The following COL5A3 variants were observed in gnomAD, a reference collection of about 807,000 sequenced individuals.
COL5A3 encodes collagen alpha-3(V) chain.
Under a neutral mutation model 250.0 loss-of-function variants are expected in COL5A3, and 172 were observed. That is an observed-to-expected ratio of 0.69 (90% CI 0.61 to 0.78). The LOEUF is 0.78. COL5A3 is among the 30% of genes least tolerant of loss of function. The pLI, the probability that COL5A3 is intolerant of heterozygous loss-of-function variation, is 0.00. For synonymous variants in COL5A3, 937 were observed against 900.4 expected (o/e 1.04, Z -0.73); for missense variants, 2,340 against 2,334.4 (o/e 1.00, Z -0.05).
chr19:9,998,618 T>C (rs1005549958), intron 8 of COL5A3, among the ~76,000 whole-genome samples: 7 of 152,182 alleles, frequency 4.6e-5, no homozygotes, highest in African/African-American at 1.2e-4. Context: ...TATGTGTCTA[T>C]GCGCCTCCCC....
In COL5A3 at chr19:10,009,417, G is replaced by T. The variant is rs140695047; in HGVS notation, c.88+881C>A. On this transcript the variant is annotated intron_variant, in intron 1 of 66. Transcript: ENST00000264828. The surrounding 1 kb of genome is among the most constrained non-coding windows in gnomAD (Gnocchi z 4.4). ...GTCAGCGCTGACTCACCCATCCGGC[G>T]GCCCCCGGGACCCCTTGGGGGCTCC... is the stretch of plus-strand genomic sequence containing the variant. 0.016 allele frequency among the ~76,000 whole-genome samples: 2,366 copies of T among 152,088 alleles called. 118 individuals are homozygous for T. In the East Asian group the frequency reaches 0.19, roughly 12 times the overall value.
In COL5A3 at chr19:9,960,368, C is replaced by T. The variant is rs772473205; in HGVS notation, c.*43G>A. 1.2e-6 allele frequency: 2 copies of T among 1,611,924 alleles called. No individual in the cohort carries two copies. Among genetic ancestry groups the T allele is most frequent in the Admixed American group, 3.3e-5 (2 of 59,940 alleles). ...TCAAAGCCTCAGCACCAAATGCACC[C>T]CATTCTGGGGCTCCCTCATGGTCCC... is the stretch of plus-strand genomic sequence containing the variant. On this transcript the variant is annotated 3_prime_UTR_variant, in exon 67 of 67. Transcript: ENST00000264828.
intron 60 of COL5A3, 29 bp downstream of exon 60, chr19:9,967,997 A>G (rs1568404969): frequency 5.6e-6 from 9 of 1,596,270 alleles, no homozygotes; most frequent in Non-Finnish European, 6.0e-6. Context: ...CAGTGACCTC[A>G]TCCCACAAAA....
intron 28 of COL5A3, 33 bp from the exon 29 acceptor site, chr19:9,986,639 GC>G: frequency 6.2e-7 from 1 of 1,610,796 alleles, no homozygotes; most frequent in Non-Finnish European, 8.5e-7. Flanking sequence ...AGAAGTGAGG[GC>G]CTCGGGGAAG....
chr19:9,996,244 G>A lies in COL5A3; in HGVS notation c.1441C>T (p.Pro481Ser). ...CGCCCAGTGAGCCCCACTGGACCAG[G>A]GGGGCCTTTCATAGAGAGCTGGAAA... is the stretch of plus-strand genomic sequence containing the variant. ...QQTQLSMKGP[P>S]GPVGLTGRPG... Residue 481 changes from proline (P) to serine (S), a missense_variant, in exon 14 of 67, where the codon CCT becomes TCT. Around this residue, in one of 3 missense-constraint regions of COL5A3, gnomAD observed 1,152 missense variants for 1,146.3 expected, o/e 1.00. Transcript: ENST00000264828. 6.3e-7 allele frequency: 1 copy of A among 1,575,562 alleles called. No homozygotes were observed. Among genetic ancestry groups the A allele is most frequent in the Non-Finnish European group, 8.6e-7 (1 of 1,163,270 alleles).
Position 9,960,126 on chromosome 19 carries a change from G to A in COL5A3, c.*285C>T, listed in dbSNP as rs1480333042. 4 of 438,166 alleles carry A rather than the reference G, an allele frequency of 9.1e-6. No homozygotes were observed. Among genetic ancestry groups the A allele is most frequent in the Non-Finnish European group, 1.6e-5 (4 of 247,998 alleles). 27.1% of individuals were successfully genotyped at this position (438,166 alleles called of 1,614,324 possible). On this transcript the variant is annotated 3_prime_UTR_variant, in exon 67 of 67. Coordinates refer to ENST00000264828, the MANE Select transcript of COL5A3 (RefSeq NM_015719.4). ...TGAGTTAGAAGCTCATTGCATGGGG[G>A]TTCAAGGGGTGGGGAGGTGAGGCTT...
At chr19:9,966,505 C>A in intron 63 of COL5A3, 31 bp downstream of exon 63, 1 of 1,551,084 alleles carries the variant, frequency 6.4e-7, no homozygotes, top group Non-Finnish European at 8.7e-7. Context: ...CCCACTCCGC[C>A]CATCCAAGTG....
chr19:9,992,941 G>T, intron 20 of COL5A3, 61 bp from the exon 21 acceptor site: 1 of 1,606,880 alleles, frequency 6.2e-7, no homozygotes, highest in Admixed American at 1.7e-5. Flanking sequence ...GAGCTCTAGG[G>T]GTCCTATGAG....
chr19:10,004,369 G>C (rs546087198), intron 4 of COL5A3, among the ~76,000 whole-genome samples: 1 of 152,136 alleles, frequency 6.6e-6, no homozygotes, highest in Non-Finnish European at 1.5e-5. Flanking sequence ...GGGCACACCC[G>C]ATCCCAACCA....
At chr19:9,987,463 A>G (rs1184776947) in intron 27 of COL5A3, among the ~76,000 whole-genome samples, 4 of 152,158 alleles carry the variant, frequency 2.6e-5, no homozygotes. Flanking sequence ...AAGGCTGGGC[A>G]TGGTGGCTTA....
At chr19:9,989,026 T>G (rs1251924292) in intron 27 of COL5A3, 98 bp downstream of exon 27, 30 of 1,295,454 alleles carry the variant, frequency 2.3e-5, no homozygotes, top group Non-Finnish European at 1.1e-6. Flanking sequence ...GGCCAACTGA[T>G]TCCCCTCTCC....
Position 9,968,338 on chromosome 19 carries a change from A to ACCCC in COL5A3, c.4314+43_4314+46dup. 7.6e-7 allele frequency: 1 copy of ACCCC among 1,314,750 alleles called. No individual in the cohort carries two copies. The highest frequency in any genetic ancestry group is 1.1e-6 in the Non-Finnish European group (1 of 924,642). The allele number at this position is 1,314,750 out of a possible 1,614,324, so 81.4% of individuals were successfully genotyped here. ...CCCCACACCCACAGTCTCTCAACCGACCCCCTCCTTCAAATGCATTCTTCC... is the reference window on the plus strand; with the variant it reads ...CCCCACACCCACAGTCTCTCAACCGACCCCCCCCCTCCTTCAAATGCATTCTTCC... On this transcript the variant is annotated intron_variant, in intron 59 of 66. Coordinates refer to ENST00000264828, the MANE Select transcript of COL5A3 (RefSeq NM_015719.4). This position sits in a 1 kb window ranked among gnomAD's most constrained non-coding sequence, Gnocchi z 4.1.
Position 9,962,827 on chromosome 19 carries a change from C to G in COL5A3, c.4843G>C (p.Gly1615Arg). ...CGGCCTCGGTGACTCACCTTCTTCC[C>G]TCGACGGAATGTGCTATACCAGCCT... ...PGGWYSTFRR[G>R]KKFSYVDADG... Residue 1615 changes from glycine (G) to arginine (R), a missense_variant, in exon 65 of 67, where the codon GGG becomes CGG. By Grantham distance (125) the Gly-to-Arg change is moderately radical. Coordinates refer to ENST00000264828, the MANE Select transcript of COL5A3 (RefSeq NM_015719.4). The G allele has an allele frequency of 1.2e-6, 2 of 1,610,420 alleles. No individual in the cohort carries two copies. Among genetic ancestry groups the G allele is most frequent in the Non-Finnish European group, 1.7e-6 (2 of 1,178,290 alleles).
At chr19:9,963,217 T>A (rs1030378255) in intron 64 of COL5A3, among the ~76,000 whole-genome samples, 5 of 149,214 alleles carry the variant, frequency 3.4e-5, no homozygotes, top group Non-Finnish European at 7.4e-5. Flanking sequence ...CATTTTATTT[T>A]AATTAATTAA....
intron 64 of COL5A3, 78 bp from the exon 65 acceptor site, chr19:9,962,965 A>C: frequency 1.9e-6 from 2 of 1,050,050 alleles, no homozygotes; most frequent in Non-Finnish European, 2.9e-6. Flanking sequence ...CCCTCCTCAC[A>C]CAGTAGGCTG....
intron 27 of COL5A3, among the ~76,000 whole-genome samples, chr19:9,988,715 C>T (rs1252278360): frequency 6.6e-6 from 1 of 150,964 alleles, no homozygotes; most frequent in Non-Finnish European, 1.5e-5. Context: ...CCTGCAGTCC[C>T]AGCTACTCAG....
chr19:10,003,984 GCCA>G (rs2087401399), intron 5 of COL5A3, 54 bp downstream of exon 5: 13 of 1,381,882 alleles, frequency 9.4e-6, no homozygotes, highest in Non-Finnish European at 1.3e-5. Flanking sequence ...GGGATCTGGA[GCCA>G]GGAAGGACCC....
In COL5A3 at chr19:9,968,092, C is replaced by A. The variant is rs752132424; in HGVS notation, c.4315-13G>T. The A allele has an allele frequency of 6.3e-7, 1 of 1,587,546 alleles. No individual in the cohort carries two copies. Among genetic ancestry groups the A allele is most frequent in the African/African-American group, 1.4e-5 (1 of 73,012 alleles). ...GACCAGGGGGACCCTAGGAAAAGGA[C>A]ATCGGGTCAGTATTGGTGGGGTACA... On this transcript the variant is annotated splice_polypyrimidine_tract_variant and intron_variant, in intron 59 of 66. Coordinates refer to ENST00000264828, the MANE Select transcript of COL5A3 (RefSeq NM_015719.4). This position sits in a 1 kb window ranked among gnomAD's most constrained non-coding sequence, Gnocchi z 4.1.
chr19:9,991,956 G>T, intron 22 of COL5A3, 48 bp downstream of exon 22: 1 of 1,576,210 alleles, frequency 6.3e-7, no homozygotes, highest in Non-Finnish European at 8.7e-7. Context: ...GGACAATCGG[G>T]GTCAGAGTGT....
Sources: gnomAD v4.1 joint callset for allele counts (sites outside exome capture counted in the v4.1 genomes callset) on GRCh38, gnomAD v4.1.1 for gene constraint, gnomAD v4.1.1 regional missense constraint, Gnocchi (gnomAD v3.1) non-coding constraint, MANE v1.5 for transcripts, NCBI Gene and HGNC (gene_info 2026-07-23, HGNC 2026-07-21) for gene names.